Variants in G2E3 observed in about 807,000 individuals in gnomAD.
G2E3 encodes G2/M-phase specific E3 ubiquitin protein ligase, also known as G2/M phase-specific E3 ubiquitin-protein ligase.
G2E3 carries 35 observed loss-of-function variants against 92.8 expected under a neutral mutation model. The ratio of observed to expected loss-of-function variants is 0.38; its 90% CI spans 0.29 to 0.50. G2E3 has a LOEUF of 0.50. Among genes scored for constraint, G2E3 ranks in the 20% least tolerant of loss-of-function variants. The probability of loss-of-function intolerance (pLI) is 0.94; values close to 1 mark genes in which losing one functional copy is unlikely to be tolerated. For missense variants in G2E3, 554 were observed against 823.8 expected (o/e 0.67, Z 4.01); for synonymous variants, 242 against 272.4 (o/e 0.89, Z 1.10).
intron 4 of G2E3, chr14:30,590,901 A>G (rs2138848167): frequency 3.4e-6 from 1 of 293,756 alleles, no homozygotes. Context: ...CCAGAATTTT[A>G]GATTTGAAAT....
intron 1 of G2E3, chr14:30,560,274 C>T (rs1594452175): frequency 6.5e-6 from 1 of 152,692 alleles, no homozygotes; most frequent in East Asian, 1.9e-4. Flanking sequence ...TATTAAAAAT[C>T]GTCAGTTTTG....
At chr14:30,561,371 C>G (rs1351356781) in intron 1 of G2E3, among the ~76,000 whole-genome samples, 1 of 152,212 alleles carries the variant, frequency 6.6e-6, no homozygotes, top group African/African-American at 2.4e-5. Flanking sequence ...CAGTCTCCCT[C>G]CAGATGTTGC....
chr14:30,599,354 A>C (rs1053771909), intron 8 of G2E3, among the ~76,000 whole-genome samples: 5 of 152,126 alleles, frequency 3.3e-5, no homozygotes, highest in African/African-American at 1.2e-4. Flanking sequence ...CAGCCTCCCG[A>C]GTAGTTGGGA....
At chr14:30,593,111 G>A (rs984189229) in intron 5 of G2E3, among the ~76,000 whole-genome samples, 5 of 152,088 alleles carry the variant, frequency 3.3e-5, no homozygotes, top group East Asian at 3.8e-4. Context: ...TTTTTTAGGC[G>A]TAAGTTCCTG....
Position 30,580,237 on chromosome 14 carries a change from G to A in G2E3, c.-4-839G>A, listed in dbSNP as rs187848760. Among the ~76,000 whole-genome samples the A allele has an allele frequency of 1.3e-3, 198 of 152,072 alleles. 1 individual carries two copies. Among genetic ancestry groups the A allele is most frequent in the African/African-American group, 4.5e-3 (188 of 41,500 alleles). ...GTTGTTGTTTTTGAGATGGAGTTTC[G>A]CTGTTGTTGCCCAAGCTAGAGTGCA... is the stretch of plus-strand genomic sequence containing the variant. On this transcript the variant is annotated intron_variant, in intron 1 of 14. Transcript: ENST00000206595.
chr14:30,572,680 T>G, intron 1 of G2E3, among the ~76,000 whole-genome samples: 1 of 152,310 alleles, frequency 6.6e-6, no homozygotes, highest in East Asian at 1.9e-4. Context: ...TGATATCTAA[T>G]CTTATATTTC....
chr14:30,573,171 A>G (rs753712299), intron 1 of G2E3, among the ~76,000 whole-genome samples: 11 of 152,020 alleles, frequency 7.2e-5, no homozygotes, highest in Non-Finnish European at 1.2e-4. Context: ...TATTTCCTAG[A>G]ATGTAAATAA....
chr14:30,604,900 A>G (rs1376502356), intron 10 of G2E3, among the ~76,000 whole-genome samples: 1 of 151,996 alleles, frequency 6.6e-6, no homozygotes, highest in African/African-American at 2.4e-5. Flanking sequence ...TCATTCATTC[A>G]TTCATTCATT....
intron 1 of G2E3, chr14:30,560,406 C>T (rs1004385353): frequency 2.7e-5 from 5 of 181,934 alleles, no homozygotes; most frequent in Non-Finnish European, 4.6e-5. Context: ...AGAATAAAAA[C>T]ATTCCTTCAT....
In G2E3 at chr14:30,592,347, G is replaced by C. The variant is rs1240313989; in HGVS notation, c.262G>C (p.Gly88Arg). Residue 88 changes from glycine to arginine, a missense_variant, in exon 5 of 15, where the codon GGT becomes CGT. By Grantham distance (125) the Gly-to-Arg change is moderately radical. Transcript: ENST00000206595. ...GAAATGCTGTGTTTGCAAGAAAAAT[G>C]GTGCTTCAATTGGATGTGTTGCACC... Reference protein sequence around the residue: ...KLKCCVCKKNGASIGCVAPRC... With the variant: ...KLKCCVCKKNRASIGCVAPRC... The C allele has an allele frequency of 1.9e-6, 3 of 1,612,048 alleles. No homozygotes were observed. The highest frequency in any genetic ancestry group is 1.6e-4 in the Middle Eastern group (1 of 6,074).
In G2E3 at chr14:30,589,245, T is replaced by C. The variant is rs1222634943; in HGVS notation, c.136-138T>C. 5 of 540,434 alleles carry C rather than the reference T, an allele frequency of 9.3e-6. No homozygotes were observed. In the Admixed American group the frequency reaches 1.5e-4, roughly 17 times the overall value. 33.5% of individuals were successfully genotyped at this position (540,434 alleles called of 1,614,324 possible). ...AGCCTCTTACTTTGACCATGAAAAA[T>C]AACTACTATAGATAACTACTTGAAA... On this transcript the variant is annotated intron_variant, in intron 3 of 14. Coordinates refer to ENST00000206595, the MANE Select transcript of G2E3 (RefSeq NM_017769.5).
At chr14:30,608,983 A>G (rs1241738432) in intron 12 of G2E3, among the ~76,000 whole-genome samples, 1 of 152,074 alleles carries the variant, frequency 6.6e-6, no homozygotes, top group African/African-American at 2.4e-5. Context: ...CACTGTCTCA[A>G]AAAAAAAGCA....
chr14:30,571,374 A>G (rs904818858), intron 1 of G2E3, among the ~76,000 whole-genome samples: 1 of 151,694 alleles, frequency 6.6e-6, no homozygotes, highest in African/African-American at 2.4e-5. Flanking sequence ...TGTCAGGTAT[A>G]TGTTTTGCCA....
intron 13 of G2E3, among the ~76,000 whole-genome samples, chr14:30,614,997 A>G (rs1882248372): frequency 6.6e-6 from 1 of 152,160 alleles, no homozygotes; most frequent in African/African-American, 2.4e-5. Context: ...CTTTATTTTT[A>G]TAATAATTAG....
chr14:30,599,454 C>T (rs1312124624), intron 8 of G2E3, among the ~76,000 whole-genome samples: 1 of 152,126 alleles, frequency 6.6e-6, no homozygotes. Context: ...GTCTCAAATG[C>T]CTGACCTCGT....
chr14:30,568,428 T>G (rs1879566491), intron 1 of G2E3, among the ~76,000 whole-genome samples: 1 of 152,140 alleles, frequency 6.6e-6, no homozygotes, highest in African/African-American at 2.4e-5. Flanking sequence ...AAGGAAGGAT[T>G]TCTGACATTT....
chr14:30,603,922 CAGGT>C (rs749639690), intron 10 of G2E3, among the ~76,000 whole-genome samples: 1 of 152,152 alleles, frequency 6.6e-6, no homozygotes, highest in African/African-American at 2.4e-5. Context: ...GATTTGCAGA[CAGGT>C]AGAATATTAA....
chr14:30,586,770 G>C lies in G2E3; in HGVS notation c.90G>C (p.Lys30Asn). 2.8e-6 allele frequency: 4 copies of C among 1,441,434 alleles called. No individual in the cohort carries two copies. Among genetic ancestry groups the C allele is most frequent in the Non-Finnish European group, 3.8e-6 (4 of 1,055,540 alleles). 89.3% of individuals were successfully genotyped at this position (1,441,434 alleles called of 1,614,324 possible). The change falls in exon 3 of 15, where the codon AAG (lysine) becomes AAC (asparagine). Residue 30 changes from lysine to asparagine, a missense_variant. By Grantham distance (94) the Lys-to-Asn change is moderately conservative. Around this residue, in one of 3 missense-constraint regions of G2E3, gnomAD observed 137 missense variants for 201.3 expected, o/e 0.68. Coordinates refer to ENST00000206595, the MANE Select transcript of G2E3 (RefSeq NM_017769.5). ...HDDCPNKYGE[K>N]KTKEKWNLTV... ...ACTGTCCTAATAAATACGGAGAAAA[G>C]AAAACTAAGGAGAAATGGAATCTCA...
At chr14:30,596,934 G>A (rs1881319764) in intron 6 of G2E3, among the ~76,000 whole-genome samples, 1 of 152,104 alleles carries the variant, frequency 6.6e-6, no homozygotes, top group African/African-American at 2.4e-5. Context: ...CCTCTGTCTG[G>A]TGCTTCTGTA....
Sources: allele counts gnomAD v4.1 joint callset (sites outside exome capture counted in the v4.1 genomes callset), GRCh38; gene constraint gnomAD v4.1.1; regional missense constraint gnomAD v4.1.1; transcripts MANE v1.5; gene names NCBI Gene and HGNC (gene_info 2026-07-23, HGNC 2026-07-21).